Variants in SLC30A6 observed in about 807,000 individuals in gnomAD.
SLC30A6 encodes the protein zinc transporter 6.
Under a neutral mutation model 63.0 loss-of-function variants are expected in SLC30A6, and 55 were observed. The observed-to-expected ratio is 0.87, with a 90% CI of 0.70 to 1.09. The LOEUF is 1.09. SLC30A6 is among the 50% of genes least tolerant of loss of function. SLC30A6 has a pLI of 0.00. For synonymous variants in SLC30A6, 224 were observed against 186.1 expected (o/e 1.20, Z -1.66); for missense variants, 587 against 549.2 (o/e 1.07, Z -0.69).
intron 4 of SLC30A6, among the ~76,000 whole-genome samples, chr2:32,178,209 A>G (rs1681961095): frequency 6.6e-6 from 1 of 151,994 alleles, no homozygotes; most frequent in African/African-American, 2.4e-5. Context: ...GGCTTCCCAA[A>G]GTGCTGGGAT....
intron 12 of SLC30A6, among the ~76,000 whole-genome samples, chr2:32,208,459 A>G (rs1456290300): frequency 6.6e-6 from 1 of 150,396 alleles, no homozygotes; most frequent in Non-Finnish European, 1.5e-5. Context: ...ATATATATAT[A>G]AAAAGAGATG....
intron 10 of SLC30A6, among the ~76,000 whole-genome samples, 195 bp downstream of exon 10, chr2:32,198,021 A>G (rs1480225772): frequency 2.6e-5 from 4 of 152,188 alleles, no homozygotes; most frequent in African/African-American, 4.8e-5. Context: ...TCTTACCACA[A>G]TGTATAATGC....
At chr2:32,169,114 A>G (rs1680941042) in intron 1 of SLC30A6, among the ~76,000 whole-genome samples, 1 of 152,120 alleles carries the variant, frequency 6.6e-6, no homozygotes, top group African/African-American at 2.4e-5. Context: ...TAAGAAAAGA[A>G]TATATATACA....
chr2:32,185,125 T>A (rs212743), intron 5 of SLC30A6, among the ~76,000 whole-genome samples: 1 of 151,828 alleles, frequency 6.6e-6, no homozygotes, highest in Non-Finnish European at 1.5e-5. Flanking sequence ...CCCTAGCACT[T>A]TGGTAGGTTG....
Position 32,209,527 on chromosome 2 carries a change from A to G in SLC30A6, c.851A>G (p.Asn284Ser). Reference protein sequence around the residue: ...STLDGVLEVRNEHFWTLGFGS... With the variant: ...STLDGVLEVRSEHFWTLGFGS... ...TTAGATGGAGTTTTAGAAGTCCGAA[A>G]TGAACATTTTTGGACCCTAGGTTTT... is the stretch of plus-strand genomic sequence containing the variant. The change falls in exon 13 of 14, where the codon AAT (asparagine) becomes AGT (serine). Residue 284 changes from asparagine to serine, a missense_variant. Asn to Ser is a conservative substitution (Grantham distance 46). Coordinates refer to ENST00000282587, the MANE Select transcript of SLC30A6 (RefSeq NM_017964.5). 1.9e-6 allele frequency: 3 copies of G among 1,613,232 alleles called. No individual in the cohort carries two copies. The highest frequency in any genetic ancestry group is 2.5e-6 in the Non-Finnish European group (3 of 1,179,772).
intron 8 of SLC30A6, 123 bp downstream of exon 8, chr2:32,194,106 C>A: frequency 1.6e-6 from 1 of 629,206 alleles, no homozygotes; most frequent in Non-Finnish European, 2.5e-6. Context: ...AGAGAACTAG[C>A]CCAAATGTTC....
chr2:32,184,546 C>G (rs1209450403), intron 5 of SLC30A6, among the ~76,000 whole-genome samples: 1 of 152,184 alleles, frequency 6.6e-6, no homozygotes, highest in Non-Finnish European at 1.5e-5. Flanking sequence ...AGGCAGAGCA[C>G]CTTAGGTCAG....
In SLC30A6 at chr2:32,182,299, A is replaced by G. The variant is rs187721667; in HGVS notation, c.219-1974A>G. Among the ~76,000 whole-genome samples the G allele has an allele frequency of 1.6e-3, 244 of 152,278 alleles. 1 individual carries two copies. The highest frequency in any genetic ancestry group is 5.4e-3 in the African/African-American group (226 of 41,558). On this transcript the variant is annotated intron_variant, in intron 4 of 13. Coordinates refer to ENST00000282587, the MANE Select transcript of SLC30A6 (RefSeq NM_017964.5). ...GCCTTTATCCGATGCAATTTCAAAA[A>G]TCATTCATCCATTCAAAACCAACCT... is the stretch of plus-strand genomic sequence containing the variant.
chr2:32,219,156 C>G (rs1274201255), intron 13 of SLC30A6, among the ~76,000 whole-genome samples: 3 of 151,356 alleles, frequency 2.0e-5, no homozygotes, highest in Non-Finnish European at 4.4e-5. Flanking sequence ...GCCTCAGCCC[C>G]CTGAGTAGCT....
intron 10 of SLC30A6, among the ~76,000 whole-genome samples, chr2:32,198,645 A>G (rs929637485): frequency 6.6e-6 from 1 of 152,150 alleles, no homozygotes; most frequent in Admixed American, 6.5e-5. Flanking sequence ...GTGCAATGGC[A>G]TGATCTCAGC....
intron 5 of SLC30A6, among the ~76,000 whole-genome samples, chr2:32,190,677 C>T (rs212748): frequency 0.51 from 76,975 of 151,798 alleles, 19,756 homozygotes; most frequent in African/African-American, 0.54. Context: ...ATATTCTGGA[C>T]TGCAGTGGCG....
At chr2:32,170,001 C>A (rs1410812263) in intron 1 of SLC30A6, among the ~76,000 whole-genome samples, 2 of 152,082 alleles carry the variant, frequency 1.3e-5, no homozygotes, top group Non-Finnish European at 2.9e-5. Flanking sequence ...GAAAATTGGC[C>A]TATTGTCTGT....
At chr2:32,196,639 C>T (rs1369077739) in intron 8 of SLC30A6, among the ~76,000 whole-genome samples, 1 of 152,134 alleles carries the variant, frequency 6.6e-6, no homozygotes. Flanking sequence ...TCGAAACGCT[C>T]CTATGAGCAT....
intron 10 of SLC30A6, chr2:32,202,662 G>A (rs146367647): frequency 0.012 from 7,361 of 618,382 alleles, 128 homozygotes; most frequent in South Asian, 0.038. Context: ...GTGCCATGTT[G>A]TGCTTGATGA....
At chr2:32,207,862 G>C (rs1044652451) in intron 12 of SLC30A6, among the ~76,000 whole-genome samples, 1 of 150,208 alleles carries the variant, frequency 6.7e-6, no homozygotes, top group Non-Finnish European at 1.5e-5. Context: ...CACATGCCTG[G>C]CTAATTTTTG....
chr2:32,219,745 T>G (rs1299179192), intron 13 of SLC30A6, among the ~76,000 whole-genome samples: 2 of 152,174 alleles, frequency 1.3e-5, no homozygotes, highest in Admixed American at 1.3e-4. Flanking sequence ...CAGGACTTCT[T>G]TATATATTGG....
rs1321883712 is a variant in SLC30A6, at chr2:32,198,196, G to A, written c.665+370G>A. 2.9e-4 allele frequency among the ~76,000 whole-genome samples: 44 copies of A among 152,164 alleles called. 1 individual carries two copies. The highest frequency in any genetic ancestry group is 2.9e-3 in the Admixed American group (44 of 15,270). ...TAAAAATAAAGCCTTTTAGGAAATA[G>A]GCTTTACAGCTGCTTTAAGCTTAAC... On this transcript the variant is annotated intron_variant, in intron 10 of 13. Coordinates refer to ENST00000282587, the MANE Select transcript of SLC30A6 (RefSeq NM_017964.5).
chr2:32,218,686 A>ACAT (rs1255339248), intron 13 of SLC30A6, among the ~76,000 whole-genome samples: 1 of 152,128 alleles, frequency 6.6e-6, no homozygotes, highest in Admixed American at 6.5e-5. Flanking sequence ...CCTCCTGAGT[A>ACAT]GTTGGGATTA....
chr2:32,181,791 C>T (rs1682336810), intron 4 of SLC30A6, among the ~76,000 whole-genome samples: 1 of 151,860 alleles, frequency 6.6e-6, no homozygotes, highest in African/African-American at 2.4e-5. Flanking sequence ...TCGCTTGAGC[C>T]TGGGAGGTGG....
Sources: allele counts gnomAD v4.1 joint callset (sites outside exome capture counted in the v4.1 genomes callset), GRCh38; gene constraint gnomAD v4.1.1; transcripts MANE v1.5; gene names NCBI Gene and HGNC (gene_info 2026-07-23, HGNC 2026-07-21).